Variants in STK3 observed in about 807,000 individuals in gnomAD.
STK3 encodes serine/threonine kinase 3, also known as serine/threonine-protein kinase 3.
In STK3, 41 loss-of-function variants were observed where a neutral mutation model predicts 58.0. The ratio of observed to expected loss-of-function variants is 0.71; its 90% CI spans 0.55 to 0.92. The LOEUF is 0.92. STK3 is among the 40% of genes least tolerant of loss of function. The pLI is 0.00. For synonymous variants in STK3, 170 were observed against 191.0 expected, an observed-to-expected ratio of 0.89 and a Z score of 0.91; for missense variants, 479 against 602.7, an observed-to-expected ratio of 0.79 and a Z score of 2.15.
chr8:98,924,385 G>A (rs1839704706), intron 1 of STK3, among the ~76,000 whole-genome samples: 1 of 152,256 alleles, frequency 6.6e-6, no homozygotes, highest in Non-Finnish European at 1.5e-5. Flanking sequence ...TGACAAGGTT[G>A]TGTAAGCAGG....
chr8:98,846,577 G>T (rs559516382), intron 3 of STK3, among the ~76,000 whole-genome samples: 1 of 152,106 alleles, frequency 6.6e-6, no homozygotes, highest in Non-Finnish European at 1.5e-5. Flanking sequence ...TTTGAAAATG[G>T]CAGCAAAACT....
At chr8:98,834,728 G>A (rs1835685418) in intron 3 of STK3, among the ~76,000 whole-genome samples, 1 of 152,202 alleles carries the variant, frequency 6.6e-6, no homozygotes. Context: ...TAGCCCTTAT[G>A]ACTTAATCAC....
At chr8:98,550,921 T>C (rs1008900764) in intron 8 of STK3, among the ~76,000 whole-genome samples, 1 of 152,208 alleles carries the variant, frequency 6.6e-6, no homozygotes, top group Non-Finnish European at 1.5e-5. Flanking sequence ...TAATGAAGAA[T>C]CTACAATGGC....
At chr8:98,877,800 G>A (rs1837612381) in intron 3 of STK3, among the ~76,000 whole-genome samples, 1 of 151,818 alleles carries the variant, frequency 6.6e-6, no homozygotes, top group Non-Finnish European at 1.5e-5. Context: ...TCCATGTTTT[G>A]TGAGGGAAAA....
intron 3 of STK3, chr8:98,427,268 T>A (rs1193722167): frequency 1.3e-5 from 2 of 151,254 alleles, no homozygotes; most frequent in Non-Finnish European, 3.0e-5. Flanking sequence ...ACCGCCGCGA[T>A]GCTCGCCCGC....
At chr8:98,614,013 T>C (rs948589405) in intron 6 of STK3, among the ~76,000 whole-genome samples, 1 of 152,096 alleles carries the variant, frequency 6.6e-6, no homozygotes, top group African/African-American at 2.4e-5. Context: ...CTAATGTATA[T>C]GTACCAACCA....
chr8:98,580,130 A>G (rs914620063), intron 7 of STK3, among the ~76,000 whole-genome samples: 4 of 152,212 alleles, frequency 2.6e-5, no homozygotes, highest in African/African-American at 9.6e-5. Context: ...ATTATATTAC[A>G]CATAGAAATA....
intron 4 of STK3, among the ~76,000 whole-genome samples, chr8:98,724,158 A>T (rs1347498272): frequency 6.6e-6 from 1 of 152,206 alleles, no homozygotes; most frequent in African/African-American, 2.4e-5. Flanking sequence ...CAGGATTAGC[A>T]ATAGGAGCAC....
At chr8:98,547,432 C>G (rs1477642337) in intron 9 of STK3, among the ~76,000 whole-genome samples, 1 of 152,106 alleles carries the variant, frequency 6.6e-6, no homozygotes, top group Admixed American at 6.6e-5. Flanking sequence ...ACTGCAGCAC[C>G]CCCAGCACTG....
rs138992941 is a variant in STK3, at chr8:98,428,610, G to A, written n.483+5517C>T. The stretch of plus-strand genomic sequence containing the variant: ...CACCATGTGCCTCAATAGCCTGCCC[G>A]ATTTCCAAATCCCTGACAGCCAGGG... On this transcript the variant is annotated intron_variant and non_coding_transcript_variant, in intron 3 of 3. Transcript: ENST00000517832. This position sits in a 1 kb window ranked among gnomAD's most constrained non-coding sequence, Gnocchi z 6.7. The A allele has an allele frequency of 3.7e-6, 6 of 1,614,016 alleles. No homozygotes were observed. The highest frequency in any genetic ancestry group is 1.7e-5 in the Admixed American group (1 of 60,010).
intron 8 of STK3, among the ~76,000 whole-genome samples, chr8:98,558,038 A>G (rs1359455020): frequency 2.6e-5 from 4 of 152,158 alleles, no homozygotes; most frequent in Admixed American, 2.0e-4. Context: ...ATACTAATAT[A>G]CAATAGAGTA....
intron 8 of STK3, among the ~76,000 whole-genome samples, chr8:98,576,225 T>C (rs555526351): frequency 1.3e-5 from 2 of 152,356 alleles, no homozygotes; most frequent in East Asian, 3.9e-4. Context: ...TATGGGTTTA[T>C]TTCCAGACTT....
At chr8:98,649,920 G>A (rs909925530) in intron 6 of STK3, among the ~76,000 whole-genome samples, 5 of 151,958 alleles carry the variant, frequency 3.3e-5, no homozygotes, top group East Asian at 1.9e-4. Context: ...AGATTTTTAC[G>A]AATTTCTTCC....
At chr8:98,798,663 A>T (rs957003884) in intron 1 of STK3, among the ~76,000 whole-genome samples, 1 of 152,188 alleles carries the variant, frequency 6.6e-6, no homozygotes, top group Non-Finnish European at 1.5e-5. Context: ...TATGTTTTGG[A>T]TATGTCCCCT....
intron 1 of STK3, among the ~76,000 whole-genome samples, chr8:98,781,322 C>A (rs1443252406): frequency 6.6e-6 from 1 of 152,078 alleles, no homozygotes; most frequent in Non-Finnish European, 1.5e-5. Flanking sequence ...TACAGAGTAT[C>A]GGGAGAAGGG....
chr8:98,860,090 T>C (rs1381978529), intron 3 of STK3, among the ~76,000 whole-genome samples: 2 of 152,186 alleles, frequency 1.3e-5, no homozygotes, highest in Non-Finnish European at 2.9e-5. Context: ...CATGTATTAA[T>C]CAATATTTAT....
intron 1 of STK3, among the ~76,000 whole-genome samples, chr8:98,903,005 C>T (rs1838717039): frequency 6.6e-6 from 1 of 152,168 alleles, no homozygotes; most frequent in Non-Finnish European, 1.5e-5. Flanking sequence ...AAGACAAAAC[C>T]CAAATTCCCT....
chr8:98,854,131 A>G (rs1280119025), intron 3 of STK3, among the ~76,000 whole-genome samples: 1 of 151,866 alleles, frequency 6.6e-6, no homozygotes, highest in Non-Finnish European at 1.5e-5. Flanking sequence ...GTAAAACTAT[A>G]TTTATTTATT....
intron 2 of STK3, chr8:98,371,731 C>T (rs1467585760): frequency 1.3e-5 from 2 of 152,216 alleles, no homozygotes; most frequent in Admixed American, 1.3e-4. Context: ...TGCTTTTTAA[C>T]TTGTCTAAGG....
Sources: allele counts gnomAD v4.1 joint callset (sites outside exome capture counted in the v4.1 genomes callset), GRCh38; gene constraint gnomAD v4.1.1; non-coding constraint Gnocchi (gnomAD v3.1); transcripts MANE v1.5; gene names NCBI Gene and HGNC (gene_info 2026-07-23, HGNC 2026-07-21).